Variants in SHCBP1 observed in about 807,000 individuals in gnomAD.
SHCBP1 encodes the protein SHC binding and spindle associated 1, also known as SHC SH2 domain-binding protein 1.
In SHCBP1, 60 loss-of-function variants were observed where a neutral mutation model predicts 75.1. The observed-to-expected ratio is 0.80, with a 90% CI of 0.65 to 0.99. SHCBP1 has a LOEUF of 0.99. Ranked by LOEUF, SHCBP1 falls within the 50% of genes least tolerant of loss-of-function variation. The pLI is 0.00. For synonymous variants in SHCBP1, 290 were observed against 293.2 expected (o/e 0.99, Z 0.11); for missense variants, 709 against 809.4 (o/e 0.88, Z 1.50).
chr16:46,609,411 A>AG (rs1208781437), intron 4 of SHCBP1, among the ~76,000 whole-genome samples: 4 of 151,002 alleles, frequency 2.6e-5, no homozygotes, highest in African/African-American at 9.7e-5. Context: ...GGAAGGTGCA[A>AG]GGGAATCATC....
At chr16:46,588,979 A>C (rs1964996425) in intron 10 of SHCBP1, among the ~76,000 whole-genome samples, 1 of 152,226 alleles carries the variant, frequency 6.6e-6, no homozygotes, top group Non-Finnish European at 1.5e-5. Flanking sequence ...CACCATGATC[A>C]AGTTGGCTTC....
intron 10 of SHCBP1, among the ~76,000 whole-genome samples, chr16:46,592,895 C>A (rs1349420395): frequency 1.2e-5 from 1 of 85,034 alleles, no homozygotes; most frequent in African/African-American, 4.3e-5. Context: ...TCAGCCTAGT[C>A]CTGAGAAAGG....
In SHCBP1 at chr16:46,596,743, T is replaced by C. The variant is rs183192059; in HGVS notation, c.1346-1073A>G. ...TAAATGAGTAAACTTTTTTTTTTTT[T>C]TGGAGACGGAGCCTTGCTCTGTTGC... On this transcript the variant is annotated intron_variant, in intron 9 of 12. Transcript: ENST00000303383. 8.9e-3 allele frequency among the ~76,000 whole-genome samples: 1,339 copies of C among 151,156 alleles called. 5 individuals are homozygous for C. Among genetic ancestry groups the C allele is most frequent in the Admixed American group, 0.016 (242 of 15,192 alleles).
At chr16:46,614,492 T>C (rs545143849) in intron 4 of SHCBP1, among the ~76,000 whole-genome samples, 1 of 152,288 alleles carries the variant, frequency 6.6e-6, no homozygotes, top group East Asian at 1.9e-4. Context: ...CAATAAAAGA[T>C]TGATCTGAAA....
At chr16:46,620,034 C>A (rs1965560919) in intron 1 of SHCBP1, among the ~76,000 whole-genome samples, 1 of 151,304 alleles carries the variant, frequency 6.6e-6, no homozygotes. Context: ...GAGACTCTGC[C>A]TCAAAAAAAA....
chr16:46,599,696 AGCATCGTGAAGTGCAAT>A, intron 9 of SHCBP1, 118 bp downstream of exon 9: 3 of 392,238 alleles, frequency 7.6e-6, no homozygotes, highest in South Asian at 9.6e-5. Flanking sequence ...AAAAAAACTC[AGCATCGTGAAGTGCAAT>A]AAAACAAGGT....
Position 46,621,351 on chromosome 16 carries a change from G to A in SHCBP1, c.9C>T (p.Asp3=), listed in dbSNP as rs972342361. 7 of 1,610,844 alleles carry A rather than the reference G, an allele frequency of 4.3e-6. No individual in the cohort carries two copies. The highest frequency in any genetic ancestry group is 1.1e-5 in the South Asian group (1 of 90,956). The change falls in exon 1 of 13, where the codon GAC becomes GAT. Residue 3 remains aspartate, a synonymous_variant. Transcript: ENST00000303383. ...CCAGACCGCCGCCCGTCAGCGACCC[G>A]TCAGCCATTTCAAATTTCCGCGGAC... The part of the protein sequence containing the change: MA[D]GSLTGGGLEA...
In SHCBP1 at chr16:46,616,601, C is replaced by T. The variant is rs976587847; in HGVS notation, c.388-447G>A. On this transcript the variant is annotated intron_variant, in intron 3 of 12. Transcript: ENST00000303383. The surrounding 1 kb of genome is among the most constrained non-coding windows in gnomAD (Gnocchi z 4.4). ...AGGGGGGCGGTGTGCAGTGGAGCAG[C>T]AAGATATGAGGTGAGAAAGAGAGGC... Among the ~76,000 whole-genome samples, 2 of 151,864 alleles carry T rather than the reference C, an allele frequency of 1.3e-5. No individual in the cohort carries two copies. The highest frequency in any genetic ancestry group is 1.3e-4 in the Admixed American group (2 of 15,250).
intron 12 of SHCBP1, 102 bp from the exon 13 acceptor site, chr16:46,582,156 C>A (rs1964882535): frequency 8.0e-7 from 1 of 1,247,450 alleles, no homozygotes; most frequent in Non-Finnish European, 1.1e-6. Context: ...GCCTTGCTTT[C>A]TATACCAAGG....
In SHCBP1 at chr16:46,616,019, G is replaced by A. The variant is rs1162969317; in HGVS notation, c.523C>T (p.Leu175=). 2.5e-6 allele frequency: 4 copies of A among 1,614,200 alleles called. No homozygotes were observed. The highest frequency in any genetic ancestry group is 1.3e-5 in the African/African-American group (1 of 75,048). ...TCAAACACCACCCACAGCTCCTGCA[G>A]GGGCAACCGATGCTCCTTCAGATCA... ...LLDLKEHRLP[L]QELWVVFDDS... The change falls in exon 4 of 13, where the codon CTG becomes TTG. Residue 175 remains leucine, a synonymous_variant. Transcript: ENST00000303383. This position sits in a 1 kb window ranked among gnomAD's most constrained non-coding sequence, Gnocchi z 4.4.
At position 46,615,936 on chromosome 16, in the gene SHCBP1, C is replaced by A; in HGVS notation, c.596+10G>T. The A allele has an allele frequency of 6.2e-7, 1 of 1,613,904 alleles. No individual in the cohort carries two copies. The highest frequency in any genetic ancestry group is 8.5e-7 in the Non-Finnish European group (1 of 1,179,814). ...GCCACAAGGTTATTTTTCTCAACTT[C>A]TTTTCCTACCTGACATGCTCAATTG... is the stretch of plus-strand genomic sequence containing the variant. On this transcript the variant is annotated intron_variant, in intron 4 of 12. Transcript: ENST00000303383.
In SHCBP1 at chr16:46,617,562, C is replaced by G. The variant is rs935440434; in HGVS notation, c.387+72G>C. 7 of 1,140,204 alleles carry G rather than the reference C, an allele frequency of 6.1e-6. No homozygotes were observed. In the South Asian group the frequency reaches 8.3e-5, roughly 13 times the overall value. 70.6% of individuals were successfully genotyped at this position (1,140,204 alleles called of 1,614,324 possible). ...CATAAACTTTAATTAAAAATAAGCA[C>G]TTTGGATATAACAGTCTGAAGTAAA... On this transcript the variant is annotated intron_variant, in intron 3 of 12. Transcript: ENST00000303383.
chr16:46,603,420 G>A lies in SHCBP1; in HGVS notation c.1213+119C>T, dbSNP rs1348494357. On this transcript the variant is annotated intron_variant, in intron 8 of 12. Transcript: ENST00000303383. ...TCCATGTCCTTAATGTTTCAAGGCA[G>A]CTCACTAGAAATCAAATGGGTTCAA... 2.7e-5 allele frequency: 38 copies of A among 1,396,592 alleles called. No individual in the cohort carries two copies. In the East Asian group the frequency reaches 8.0e-4, roughly 29 times the overall value. 86.5% of individuals were successfully genotyped at this position (1,396,592 alleles called of 1,614,324 possible). A position where few individuals can be genotyped will look rare whatever the true frequency, so the allele number is the denominator to read the frequency against.
rs185155281 is a variant in SHCBP1 at position 46,603,120 on chromosome 16, A to T, written c.1213+419T>A. On this transcript the variant is annotated intron_variant, in intron 8 of 12. Coordinates refer to ENST00000303383, the MANE Select transcript of SHCBP1 (RefSeq NM_024745.5). Reference sequence around the variant, plus strand: ...ATAAGCTAAGTGTGAAACAAAAAACAAAAAGCCATGCACTAACATATCTGC... The same window carrying T: ...ATAAGCTAAGTGTGAAACAAAAAACTAAAAGCCATGCACTAACATATCTGC... 1.4e-4 allele frequency among the ~76,000 whole-genome samples: 21 copies of T among 152,358 alleles called. 1 individual carries two copies. In the East Asian group the frequency reaches 3.7e-3, roughly 27 times the overall value.
chr16:46,592,993 T>C (rs1300822549), intron 10 of SHCBP1, among the ~76,000 whole-genome samples: 3 of 108,510 alleles, frequency 2.8e-5, no homozygotes, highest in African/African-American at 1.0e-4. Flanking sequence ...ATTCTTCAAC[T>C]TAATAACGAA....
rs1350132600 is a variant in SHCBP1, at chr16:46,618,387, CA to C, written c.104-16del. On this transcript the variant is annotated splice_polypyrimidine_tract_variant and intron_variant, in intron 1 of 12. Transcript: ENST00000303383. ...TTGGAACAAACCTAAAAAAAAAAAGCAAAAATAAGCAAGCTCCAGTGCCTTA... is the reference window on the plus strand; with the variant it reads ...TTGGAACAAACCTAAAAAAAAAAAGCAAAATAAGCAAGCTCCAGTGCCTTA... 6.4e-7 allele frequency: 1 copy of C among 1,555,290 alleles called. No individual in the cohort carries two copies. The highest frequency in any genetic ancestry group is 8.7e-7 in the Non-Finnish European group (1 of 1,154,860).
At chr16:46,582,382 C>T (rs962533103) in intron 12 of SHCBP1, among the ~76,000 whole-genome samples, 3 of 152,214 alleles carry the variant, frequency 2.0e-5, no homozygotes, top group Non-Finnish European at 4.4e-5. Flanking sequence ...GATCCCCACC[C>T]CCTGGTATTA....
intron 10 of SHCBP1, among the ~76,000 whole-genome samples, chr16:46,594,685 TA>T (rs553306739): frequency 2.6e-4 from 38 of 145,328 alleles, no homozygotes; most frequent in East Asian, 5.9e-4. Flanking sequence ...GCGGTTTCTT[TA>T]AAAAAAAAAA....
intron 10 of SHCBP1, among the ~76,000 whole-genome samples, chr16:46,591,562 A>C (rs1328681871): frequency 1.3e-5 from 2 of 152,178 alleles, no homozygotes; most frequent in Non-Finnish European, 2.9e-5. Context: ...ATTCAGTTAT[A>C]GTTAGAGACT....
Sources: allele counts gnomAD v4.1 joint callset (sites outside exome capture counted in the v4.1 genomes callset), GRCh38; gene constraint gnomAD v4.1.1; non-coding constraint Gnocchi (gnomAD v3.1); transcripts MANE v1.5; gene names NCBI Gene and HGNC (gene_info 2026-07-23, HGNC 2026-07-21).